F5: variants seen among roughly 807,000 people sequenced by gnomAD.
F5 encodes activated protein c cofactor.
F5 carries 138 observed loss-of-function variants against 216.4 expected under a neutral mutation model. That is an observed-to-expected ratio of 0.64 (90% confidence interval 0.56 to 0.73). The LOEUF is 0.73. F5 is among the 30% of genes least tolerant of loss of function. F5 has a pLI of 0.00. For missense variants in F5, 2,403 were observed against 2,674.0 expected, an observed-to-expected ratio of 0.90 and a Z score of 2.24; for synonymous variants, 916 against 930.7, an observed-to-expected ratio of 0.98 and a Z score of 0.29.
intron 4 of F5, among the ~76,000 whole-genome samples, chr1:169,560,178 C>A (rs997358081): frequency 4.6e-5 from 7 of 152,142 alleles, no homozygotes; most frequent in Non-Finnish European, 2.9e-5. Flanking sequence ...ATATGTCAAA[C>A]ATGTTAGCCA....
At position 169,546,678 on chromosome 1, in the gene F5, G is replaced by A. The variant is rs13306344; in HGVS notation, c.1612-86C>T. On this transcript the variant is annotated intron_variant, in intron 10 of 24. Transcript: ENST00000367797. ...ATAGAGAACTCAGAAATAAGGCTGC[G>A]CACCTACAACTATCTGATCTGTGAC... The A allele has an allele frequency of 0.21, 245,387 of 1,173,442 alleles. 27,478 individuals carry two copies. Among genetic ancestry groups the A allele is most frequent in the Admixed American group, 0.36 (21,190 of 58,128 alleles). The allele number at this position is 1,173,442 out of a possible 1,614,324, so 72.7% of individuals were successfully genotyped here.
At chr1:169,548,591 G>T (rs1007287376) in intron 10 of F5, among the ~76,000 whole-genome samples, 2 of 152,076 alleles carry the variant, frequency 1.3e-5, no homozygotes, top group African/African-American at 4.8e-5. Flanking sequence ...AAAAGAGCCG[G>T]GCACAGTGGC....
intron 15 of F5, among the ~76,000 whole-genome samples, chr1:169,530,134 C>G (rs1659557230): frequency 1.3e-5 from 2 of 152,180 alleles, no homozygotes; most frequent in Non-Finnish European, 2.9e-5. Context: ...ATCCTGACAA[C>G]TATCTTATAT....
intron 1 of F5, among the ~76,000 whole-genome samples, chr1:169,585,475 C>T (rs1018537002): frequency 4.9e-4 from 75 of 152,144 alleles, no homozygotes; most frequent in African/African-American, 1.7e-3. Context: ...TAGTTAATTT[C>T]TGAGAAGTCT....
Position 169,541,973 on chromosome 1 carries a change from G to C in F5, c.3117C>G (p.His1039Gln). ...AGGTCCTCGGAGATAAAGGAGCATG[G>C]TGTGTGTGCTTCTCTTTTTTCTTTT... ...TRKKKKEKHTHHAPLSPRTFH... is the reference protein window; with the variant it reads ...TRKKKKEKHTQHAPLSPRTFH... Residue 1039 changes from histidine to glutamine, a missense_variant, in exon 13 of 25, where the codon CAC becomes CAG. His to Gln is a conservative substitution (Grantham distance 24, BLOSUM62 0). Transcript: ENST00000367797. The C allele has an allele frequency of 6.2e-7, 1 of 1,614,022 alleles. No individual in the cohort carries two copies. The highest frequency in any genetic ancestry group is 8.5e-7 in the Non-Finnish European group (1 of 1,180,002).
At position 169,527,919 on chromosome 1, in the gene F5, C is replaced by A. The variant is rs1388029347; in HGVS notation, c.5595G>T (p.Leu1865=). The change falls in exon 17 of 25, where the codon CTG becomes CTT. Residue 1865 remains leucine (L), a synonymous_variant. Transcript: ENST00000367797. ...TTCCCATTACCCAATCTTTACCAGG[C>A]AGAAGGGGCCAGACCCCTAACTGGT... The part of the protein sequence containing the change: ...KQHQLGVWPL[L]PGSFKTLEMK... 2 of 1,613,230 alleles carry A rather than the reference C, an allele frequency of 1.2e-6. No homozygotes were observed. The highest frequency in any genetic ancestry group is 2.2e-5 in the East Asian group (1 of 44,852).
chr1:169,529,107 A>T (rs1185061161), intron 16 of F5, among the ~76,000 whole-genome samples: 1 of 152,066 alleles, frequency 6.6e-6, no homozygotes, highest in Non-Finnish European at 1.5e-5. Context: ...CTATTCTCCT[A>T]TTACCTGGGT....
chr1:169,523,644 T>G (rs1457152001), intron 20 of F5, among the ~76,000 whole-genome samples, 157 bp downstream of exon 20: 1 of 152,208 alleles, frequency 6.6e-6, no homozygotes, highest in Non-Finnish European at 1.5e-5. Flanking sequence ...CTCAGAGGGT[T>G]GATTTTAAGG....
chr1:169,571,073 G>A (rs566604608), intron 3 of F5, among the ~76,000 whole-genome samples: 79 of 152,118 alleles, frequency 5.2e-4, no homozygotes, highest in Non-Finnish European at 9.3e-4. Flanking sequence ...ACCATGAAAA[G>A]TCTGAAATTA....
chr1:169,523,804 G>A lies in F5; in HGVS notation c.5889C>T (p.Ile1963=). 1 of 1,611,254 alleles carries A rather than the reference G, an allele frequency of 6.2e-7. No homozygotes were observed. The highest frequency in any genetic ancestry group is 8.5e-7 in the Non-Finnish European group (1 of 1,177,762). The part of the protein sequence containing the change: ...LAAEFASKPW[I]QVDMQKEVII... ...TTATCAGTCTATTAAGACAAACCTGGATCCAAGGTTTAGAGGCAAATTCTG... is the reference window on the plus strand; with the variant it reads ...TTATCAGTCTATTAAGACAAACCTGAATCCAAGGTTTAGAGGCAAATTCTG... The change falls in exon 20 of 25, where the codon ATC becomes ATT. Residue 1963 remains isoleucine, a synonymous_variant. Coordinates refer to ENST00000367797, the MANE Select transcript of F5 (RefSeq NM_000130.5).
chr1:169,575,040 A>G (rs1425940876), intron 2 of F5, among the ~76,000 whole-genome samples: 1 of 152,210 alleles, frequency 6.6e-6, no homozygotes, highest in Non-Finnish European at 1.5e-5. Context: ...ATGATCACAA[A>G]AACATTCAAT....
intron 13 of F5, among the ~76,000 whole-genome samples, chr1:169,539,437 G>C (rs1052395163): frequency 6.6e-6 from 1 of 151,300 alleles, no homozygotes; most frequent in Admixed American, 6.6e-5. Context: ...TCACTCCCTC[G>C]GGGCCTTGCT....
In F5 at chr1:169,544,428, C is replaced by T; in HGVS notation, c.1843G>A (p.Val615Met). The change falls in exon 12 of 25, where the codon GTG becomes ATG. Residue 615 changes from valine to methionine, a missense_variant. By Grantham distance (21) the Val-to-Met change is conservative (BLOSUM62 1). Coordinates refer to ENST00000367797, the MANE Select transcript of F5 (RefSeq NM_000130.5). ...GTCAAAATTTCATTCTGGGTCCCCACACTACAGAAGTGCCACTGGACAGTG... is the reference window on the plus strand; with the variant it reads ...GTCAAAATTTCATTCTGGGTCCCCATACTACAGAAGTGCCACTGGACAGTG... ...DDTVQWHFCS[V>M]GTQNEILTIH... The T allele has an allele frequency of 6.2e-7, 1 of 1,614,164 alleles. No homozygotes were observed. The highest frequency in any genetic ancestry group is 1.3e-5 in the African/African-American group (1 of 75,052).
intron 3 of F5, among the ~76,000 whole-genome samples, chr1:169,561,311 TC>T (rs1192050933): frequency 2.6e-5 from 4 of 152,086 alleles, no homozygotes; most frequent in African/African-American, 9.6e-5. Context: ...AGCGTCTAAC[TC>T]CCCTATGCAG....
chr1:169,544,768 A>G lies in F5; in HGVS notation c.1763-260T>C, dbSNP rs1018827. ...TCCATTTACATTGATTTAGTCATTC[A>G]TCAAATGTATAGTAAATATTTTGTG... On this transcript the variant is annotated intron_variant, in intron 11 of 24. Transcript: ENST00000367797. Among the ~76,000 whole-genome samples, 140,558 of 152,316 alleles carry G rather than the reference A, an allele frequency of 0.92. 64,913 individuals are homozygous for G. Among genetic ancestry groups the G allele is most frequent in the East Asian group, 1 (5,182 of 5,184 alleles).
intron 2 of F5, among the ~76,000 whole-genome samples, chr1:169,573,959 T>A (rs950795687): frequency 9.9e-5 from 15 of 152,012 alleles, no homozygotes; most frequent in Non-Finnish European, 1.5e-5. Flanking sequence ...GTCAACCAAT[T>A]TTGGATCAAA....
intron 1 of F5, among the ~76,000 whole-genome samples, chr1:169,585,010 A>G (rs902195620): frequency 2.0e-5 from 3 of 152,128 alleles, no homozygotes; most frequent in Non-Finnish European, 4.4e-5. Context: ...CCAAGCATGA[A>G]CCCAGCATGC....
rs755056508 is a variant in F5 at position 169,512,969 on chromosome 1, TGTTCTCATTG to T, written c.*1334_*1343del. 3.3e-5 allele frequency among the ~76,000 whole-genome samples: 5 copies of T among 152,122 alleles called. No individual in the cohort carries two copies. The highest frequency in any genetic ancestry group is 6.6e-5 in the Admixed American group (1 of 15,252). ...TAGAGATTCTGGTATGTTGTCTCTT[TGTTCTCATTG>T]GTTTTAAGGAACTTATTTATTTCTG... On this transcript the variant is annotated 3_prime_UTR_variant, in exon 25 of 25. Coordinates refer to ENST00000367797, the MANE Select transcript of F5 (RefSeq NM_000130.5).
intron 3 of F5, among the ~76,000 whole-genome samples, chr1:169,563,166 A>T (rs1660519671): frequency 6.6e-6 from 1 of 152,046 alleles, no homozygotes; most frequent in Admixed American, 6.6e-5. Flanking sequence ...TGGTGTGCAT[A>T]GTTTCTAACG....
Sources: allele counts gnomAD v4.1 joint callset (sites outside exome capture counted in the v4.1 genomes callset), GRCh38; gene constraint gnomAD v4.1.1; transcripts MANE v1.5; gene names NCBI Gene and HGNC (gene_info 2026-07-23, HGNC 2026-07-21).